Variants in MGAT4C observed in about 807,000 individuals in gnomAD.
MGAT4C encodes MGAT4 family member C.
In MGAT4C, 19 loss-of-function variants were observed where a neutral mutation model predicts 40.1. That is an observed-to-expected ratio of 0.47 (90% CI 0.33 to 0.70). The LOEUF is 0.70. MGAT4C is among the 30% of genes least tolerant of loss of function. The pLI is 0.02. For synonymous variants in MGAT4C, 181 were observed against 187.1 expected (o/e 0.97, Z 0.27); for missense variants, 491 against 563.2 (o/e 0.87, Z 1.30).
intron 1 of MGAT4C, among the ~76,000 whole-genome samples, chr12:86,827,008 T>C (rs1223857145): frequency 1.3e-5 from 2 of 151,582 alleles, no homozygotes; most frequent in East Asian, 3.9e-4. Context: ...TGGTACTTAA[T>C]TTTCTTTAGA....
At position 86,123,134 on chromosome 12, in the gene MGAT4C, C is replaced by T. The variant is rs191172734; in HGVS notation, c.-56-73411G>A. On this transcript the variant is annotated intron_variant, in intron 1 of 4. Transcript: ENST00000611864. ...TGCCGACCCTCCCAGAAATTACTTT[C>T]CAGTGGCCACTCAAGATTTCTTTGT... Among the ~76,000 whole-genome samples the T allele has an allele frequency of 1.3e-3, 194 of 152,198 alleles. 2 individuals are homozygous for T. Among genetic ancestry groups the T allele is most frequent in the Non-Finnish European group, 2.2e-3 (147 of 67,996 alleles).
chr12:86,228,376 A>G (rs1951180886), intron 1 of MGAT4C, among the ~76,000 whole-genome samples: 1 of 151,896 alleles, frequency 6.6e-6, no homozygotes, highest in Admixed American at 6.6e-5. Context: ...TATGCCTTAT[A>G]TCTATATATT....
At chr12:86,542,123 C>T (rs771671955) in intron 2 of MGAT4C, among the ~76,000 whole-genome samples, 5 of 152,144 alleles carry the variant, frequency 3.3e-5, no homozygotes, top group Admixed American at 6.6e-5. Context: ...CACATGAAAA[C>T]TTGTAGGATC....
intron 1 of MGAT4C, among the ~76,000 whole-genome samples, chr12:86,154,206 C>T (rs527420670): frequency 6.6e-6 from 1 of 152,098 alleles, no homozygotes; most frequent in Admixed American, 6.5e-5. Flanking sequence ...GTTCTCCCCC[C>T]ACCATTTCTT....
chr12:86,395,182 C>T (rs1342130886), intron 3 of MGAT4C, among the ~76,000 whole-genome samples: 4 of 152,038 alleles, frequency 2.6e-5, no homozygotes, highest in Non-Finnish European at 4.4e-5. Flanking sequence ...CTAGCTAATT[C>T]AGGTAACAAA....
At chr12:86,750,103 G>A (rs1483699196) in intron 1 of MGAT4C, among the ~76,000 whole-genome samples, 2 of 151,836 alleles carry the variant, frequency 1.3e-5, no homozygotes, top group Non-Finnish European at 2.9e-5. Context: ...AGATTCTTGA[G>A]AAGAGTCTAT....
chr12:86,769,987 A>G (rs1157241536), intron 1 of MGAT4C, among the ~76,000 whole-genome samples: 3 of 152,126 alleles, frequency 2.0e-5, no homozygotes, highest in African/African-American at 7.2e-5. Context: ...TATTGTGCAC[A>G]TGTACCCTAA....
chr12:86,107,772 A>G (rs947942647), intron 1 of MGAT4C, among the ~76,000 whole-genome samples: 7 of 152,180 alleles, frequency 4.6e-5, no homozygotes, highest in Admixed American at 3.9e-4. Context: ...GAAGTCATTG[A>G]TGAAAATTGC....
chr12:86,239,921 A>G (rs1287646852), intron 1 of MGAT4C, among the ~76,000 whole-genome samples: 1 of 151,010 alleles, frequency 6.6e-6, no homozygotes, highest in Non-Finnish European at 1.5e-5. Flanking sequence ...GATATACCTA[A>G]TGCTAGATGA....
Position 86,514,711 on chromosome 12 carries a change from G to A in MGAT4C, c.-228-79446C>T, listed in dbSNP as rs934447705. ...TCTCCATTTCAAGGTCAGCTGATGA[G>A]CATTCTTAATTCTATCTGTATCTTT... On this transcript the variant is annotated intron_variant, in intron 2 of 7. Coordinates refer to the MGAT4C transcript ENST00000548651. Among the ~76,000 whole-genome samples the A allele has an allele frequency of 4.6e-5, 7 of 152,308 alleles. 1 individual carries two copies. The Middle Eastern group carries it at 0.02, about 444-fold the overall frequency.
intron 1 of MGAT4C, among the ~76,000 whole-genome samples, chr12:86,773,785 T>G (rs1045849185): frequency 1.3e-5 from 2 of 151,884 alleles, no homozygotes; most frequent in Non-Finnish European, 2.9e-5. Context: ...ATGGAAAGGA[T>G]TTTTTAAACT....
intron 1 of MGAT4C, among the ~76,000 whole-genome samples, chr12:86,212,911 A>AC (rs1950535861): frequency 6.8e-6 from 1 of 147,186 alleles, no homozygotes; most frequent in Non-Finnish European, 1.5e-5. Flanking sequence ...AAAAAAAAAA[A>AC]AAAAAAAAAA....
chr12:86,120,443 C>T (rs1014726465), intron 1 of MGAT4C, among the ~76,000 whole-genome samples: 8 of 152,176 alleles, frequency 5.3e-5, no homozygotes, highest in South Asian at 2.1e-4. Flanking sequence ...ACTGCCTCCT[C>T]AAGTGGGTCC....
At chr12:86,250,869 T>A (rs923565300) in intron 1 of MGAT4C, among the ~76,000 whole-genome samples, 5 of 152,094 alleles carry the variant, frequency 3.3e-5, no homozygotes, top group Non-Finnish European at 5.9e-5. Context: ...GTAATTAGTA[T>A]GATTGGTTCC....
chr12:85,991,770 T>C (rs1195395578), intron 2 of MGAT4C, among the ~76,000 whole-genome samples: 2 of 152,066 alleles, frequency 1.3e-5, no homozygotes, highest in African/African-American at 4.8e-5. Context: ...GGTAAGAAGA[T>C]AGCTTGAGCC....
chr12:86,412,173 A>C (rs1276286145), intron 3 of MGAT4C, among the ~76,000 whole-genome samples: 1 of 152,188 alleles, frequency 6.6e-6, no homozygotes, highest in East Asian at 1.9e-4. Context: ...GCAGAGGGAA[A>C]ACGTGGGGTT....
chr12:86,146,873 C>T lies in MGAT4C; in HGVS notation c.-56-97150G>A, dbSNP rs76216473. Among the ~76,000 whole-genome samples, 981 of 151,438 alleles carry T rather than the reference C, an allele frequency of 6.5e-3. 11 individuals carry two copies. The highest frequency in any genetic ancestry group is 0.011 in the Non-Finnish European group (718 of 67,922). On this transcript the variant is annotated intron_variant, in intron 1 of 4. Coordinates refer to ENST00000611864, the MANE Select transcript of MGAT4C (RefSeq NM_001351288.2). ...AGATTATAACATGTACTTTCATGTCCATTTACCTGTATCCTTGCATTTTCC... is the reference window on the plus strand; with the variant it reads ...AGATTATAACATGTACTTTCATGTCTATTTACCTGTATCCTTGCATTTTCC...
chr12:86,209,396 G>T lies in MGAT4C; in HGVS notation c.-57+46843C>A, dbSNP rs1950374882. 2.0e-5 allele frequency among the ~76,000 whole-genome samples: 3 copies of T among 151,982 alleles called. No individual in the cohort carries two copies. The South Asian group carries it at 6.2e-4, about 32-fold the overall frequency. ...CAAAGCCATAATCTTATCAGTATTT[G>T]TTAGTCTAAGGAATTATTTTCTATT... On this transcript the variant is annotated intron_variant, in intron 1 of 4. Transcript: ENST00000611864.
intron 4 of MGAT4C, among the ~76,000 whole-genome samples, chr12:86,299,975 A>AC (rs2136138271): frequency 1.3e-5 from 2 of 152,338 alleles, no homozygotes; most frequent in African/African-American, 4.8e-5. Context: ...GAAAAGAATG[A>AC]GTATATGCCC....
Sources: gnomAD v4.1 joint callset for allele counts (sites outside exome capture counted in the v4.1 genomes callset) on GRCh38, gnomAD v4.1.1 for gene constraint, MANE v1.5 for transcripts, NCBI Gene and HGNC (gene_info 2026-07-23, HGNC 2026-07-21) for gene names.